The following BBS9 variants were observed in gnomAD, a reference collection of about 807,000 sequenced individuals.
The protein encoded by BBS9 is protein PTHB1.
Under a neutral mutation model 117.7 loss-of-function variants are expected in BBS9, and 89 were observed. That is an observed-to-expected ratio of 0.76 (90% CI 0.64 to 0.90). The LOEUF is 0.90. Among genes scored for constraint, BBS9 ranks in the 40% least tolerant of loss-of-function variants. The probability of loss-of-function intolerance (pLI) is 0.00; values close to 1 mark genes in which losing one functional copy is unlikely to be tolerated. For synonymous variants in BBS9, 379 were observed against 370.9 expected (o/e 1.02, Z -0.25); for missense variants, 982 against 1,042.2 (o/e 0.94, Z 0.80).
At chr7:33,166,840 G>T (rs1427589789) in intron 4 of BBS9, among the ~76,000 whole-genome samples, 2 of 152,172 alleles carry the variant, frequency 1.3e-5, no homozygotes, top group African/African-American at 2.4e-5. Flanking sequence ...GCACTTCCTG[G>T]GTGAGGTGAT....
chr7:33,181,836 C>A (rs372638263), intron 5 of BBS9, among the ~76,000 whole-genome samples: 4 of 152,238 alleles, frequency 2.6e-5, no homozygotes, highest in East Asian at 1.9e-4. Flanking sequence ...GTAATCCCAG[C>A]ACTTTGGGAG....
rs540754936 is a variant in BBS9, at chr7:33,408,424, T to TGCACG, written c.2115+20282_2115+20286dup. Reference sequence around the variant, plus strand: ...CAATGCCTCACCCTGCTTTCGCTGGTGCACGGTGTGCTGCACCCACTCTCC... The same window carrying TGCACG: ...CAATGCCTCACCCTGCTTTCGCTGGTGCACGGCACGGTGTGCTGCACCCACTCTCC... On this transcript the variant is annotated intron_variant, in intron 19 of 22. Transcript: ENST00000242067. Among the ~76,000 whole-genome samples, 1,305 of 152,246 alleles carry TGCACG rather than the reference T, an allele frequency of 8.6e-3. 11 individuals are homozygous for TGCACG. Among genetic ancestry groups the TGCACG allele is most frequent in the Middle Eastern group, 0.027 (8 of 294 alleles).
At chr7:33,536,803 TTTATC>T (rs1023153014) in intron 21 of BBS9, among the ~76,000 whole-genome samples, 3 of 133,384 alleles carry the variant, frequency 2.2e-5, no homozygotes, top group African/African-American at 8.3e-5. Flanking sequence ...ATATTAAAGA[TTTATC>T]TTATATTTGT....
At chr7:33,283,286 CTTAA>C (rs1020841061) in intron 9 of BBS9, among the ~76,000 whole-genome samples, 2 of 152,114 alleles carry the variant, frequency 1.3e-5, no homozygotes, top group African/African-American at 4.8e-5. Flanking sequence ...CTGAAGGTAG[CTTAA>C]TTTTTTTTAA....
chr7:33,358,904 AT>A (rs1820118723), intron 16 of BBS9, among the ~76,000 whole-genome samples: 1 of 151,842 alleles, frequency 6.6e-6, no homozygotes, highest in Non-Finnish European at 1.5e-5. Flanking sequence ...CTTAAAATTT[AT>A]TTTTTATTAA....
At chr7:33,352,196 A>G (rs886997958) in intron 14 of BBS9, 1 of 153,352 alleles carries the variant, frequency 6.5e-6, no homozygotes, top group Non-Finnish European at 1.5e-5. Context: ...TTTAGTGACT[A>G]AATAAAACTC....
In BBS9 at chr7:33,159,964, G is replaced by A. The variant is rs190625586; in HGVS notation, c.328+4262G>A. Among the ~76,000 whole-genome samples, 5 of 152,254 alleles carry A rather than the reference G, an allele frequency of 3.3e-5. No individual in the cohort carries two copies. The East Asian group carries it at 9.6e-4, about 29-fold the overall frequency. ...TAAAGAGTCTGTTCGTTTTAAATAAGCAGTCTCTTTGTTAGTTCCCTGTAA... is the reference window on the plus strand; with the variant it reads ...TAAAGAGTCTGTTCGTTTTAAATAAACAGTCTCTTTGTTAGTTCCCTGTAA... On this transcript the variant is annotated intron_variant, in intron 4 of 22. Transcript: ENST00000242067.
intron 9 of BBS9, among the ~76,000 whole-genome samples, chr7:33,310,345 A>G (rs1490176063): frequency 2.0e-5 from 3 of 151,894 alleles, no homozygotes. Flanking sequence ...AAAGCCTACT[A>G]TATAGATTTT....
At chr7:33,264,889 AT>A (rs768973429) in intron 7 of BBS9, among the ~76,000 whole-genome samples, 6 of 152,296 alleles carry the variant, frequency 3.9e-5, no homozygotes, top group South Asian at 4.1e-4. Flanking sequence ...TTCTTTAAAT[AT>A]TTTGTAACTA....
chr7:33,482,189 C>G (rs918721707), intron 19 of BBS9, among the ~76,000 whole-genome samples: 4 of 152,040 alleles, frequency 2.6e-5, no homozygotes, highest in African/African-American at 9.7e-5. Context: ...TGTTTGTTCT[C>G]ATTTTAGAGA....
intron 5 of BBS9, among the ~76,000 whole-genome samples, chr7:33,252,562 A>G (rs1796382675): frequency 6.6e-6 from 1 of 152,082 alleles, no homozygotes; most frequent in Non-Finnish European, 1.5e-5. Context: ...GGTGATGCAA[A>G]TGGTGCTGGT....
intron 17 of BBS9, among the ~76,000 whole-genome samples, chr7:33,383,229 T>C (rs1406824561): frequency 6.6e-6 from 1 of 152,216 alleles, no homozygotes; most frequent in Non-Finnish European, 1.5e-5. Flanking sequence ...TTACAGTGAA[T>C]TATGCTGATT....
chr7:33,331,898 A>G (rs766402840), intron 9 of BBS9, among the ~76,000 whole-genome samples: 2 of 152,326 alleles, frequency 1.3e-5, no homozygotes, highest in South Asian at 4.1e-4. Context: ...TATAGATTCA[A>G]TGCAATTCCC....
intron 20 of BBS9, among the ~76,000 whole-genome samples, chr7:33,514,080 T>C (rs1252767815): frequency 6.6e-6 from 1 of 152,226 alleles, no homozygotes; most frequent in East Asian, 1.9e-4. Flanking sequence ...AAGCTAATAG[T>C]TGCAAAATAT....
intron 5 of BBS9, among the ~76,000 whole-genome samples, chr7:33,209,201 C>G (rs940469764): frequency 6.6e-6 from 1 of 152,170 alleles, no homozygotes; most frequent in Non-Finnish European, 1.5e-5. Flanking sequence ...TGAAGTTTGT[C>G]TTTCTGTGAC....
At chr7:33,479,152 A>G (rs1842192073) in intron 19 of BBS9, among the ~76,000 whole-genome samples, 1 of 151,858 alleles carries the variant, frequency 6.6e-6, no homozygotes, top group Admixed American at 6.6e-5. Context: ...TACGTGGGTA[A>G]ATTGTGTGTC....
At chr7:33,158,058 C>G (rs1794341145) in intron 4 of BBS9, among the ~76,000 whole-genome samples, 1 of 152,180 alleles carries the variant, frequency 6.6e-6, no homozygotes, top group Non-Finnish European at 1.5e-5. Context: ...TCTCAAGAGG[C>G]ATTTACTAAA....
At position 33,397,052 on chromosome 7, in the gene BBS9, G is replaced by A. The variant is rs576290320; in HGVS notation, c.2115+8908G>A. On this transcript the variant is annotated intron_variant, in intron 19 of 22. Coordinates refer to ENST00000242067, the MANE Select transcript of BBS9 (RefSeq NM_198428.3). ...AGTGAACAGACAACCTACAGAATGG[G>A]AGAAAATATTTGCAGTCTCTCCATC... 6.6e-5 allele frequency among the ~76,000 whole-genome samples: 10 copies of A among 152,234 alleles called. No homozygotes were observed. The South Asian group carries it at 2.1e-3, about 32-fold the overall frequency.
chr7:33,489,807 G>A (rs768813892), intron 19 of BBS9, among the ~76,000 whole-genome samples: 5 of 152,080 alleles, frequency 3.3e-5, no homozygotes, highest in Non-Finnish European at 7.4e-5. Context: ...ACTCATGAAC[G>A]CTTCCACTAT....
Sources: gnomAD v4.1 joint callset for allele counts (sites outside exome capture counted in the v4.1 genomes callset) on GRCh38, gnomAD v4.1.1 for gene constraint, MANE v1.5 for transcripts, NCBI Gene and HGNC (gene_info 2026-07-23, HGNC 2026-07-21) for gene names.